The following SLC2A9 variants were observed in gnomAD, a reference collection of about 807,000 sequenced individuals.
The protein encoded by SLC2A9 is solute carrier family 2 member 9.
Under a neutral mutation model 50.6 loss-of-function variants are expected in SLC2A9, and 39 were observed. The ratio of observed to expected loss-of-function variants is 0.77; its 90% CI spans 0.60 to 1.01. The LOEUF (loss-of-function observed/expected upper bound fraction) is 1.01, where lower values mean the gene tolerates loss of function less well. Among genes scored for constraint, SLC2A9 ranks in the 50% least tolerant of loss-of-function variants. The pLI is 0.00. For synonymous variants in SLC2A9, 324 were observed against 276.9 expected, an observed-to-expected ratio of 1.17 and a Z score of -1.69; for missense variants, 686 against 677.6, an observed-to-expected ratio of 1.01 and a Z score of -0.14.
At chr4:9,792,753 A>T (rs1421095311) in intron 3 of SLC2A9, 1 of 152,260 alleles carries the variant, frequency 6.6e-6, no homozygotes, top group African/African-American at 2.4e-5. Flanking sequence ...TTCACAAAGA[A>T]CTATCTCCAC....
intron 7 of SLC2A9, 79 bp downstream of exon 7, chr4:9,920,306 C>T: frequency 1.3e-6 from 2 of 1,515,146 alleles, no homozygotes; most frequent in East Asian, 4.7e-5. Flanking sequence ...ACCTGGGCGT[C>T]TGGGGCCCAA....
intron 10 of SLC2A9, among the ~76,000 whole-genome samples, chr4:9,884,022 C>G (rs1250957343): frequency 6.6e-6 from 1 of 152,220 alleles, no homozygotes; most frequent in Non-Finnish European, 1.5e-5. Context: ...ACCAGAGACA[C>G]TCGGGGTTGG....
At chr4:9,919,110 T>C (rs966765419) in intron 7 of SLC2A9, among the ~76,000 whole-genome samples, 1 of 152,162 alleles carries the variant, frequency 6.6e-6, no homozygotes, top group Non-Finnish European at 1.5e-5. Flanking sequence ...TCTTTAAGGC[T>C]TCAGGTGTTA....
intron 3 of SLC2A9, among the ~76,000 whole-genome samples, chr4:9,803,768 C>T (rs548745364): frequency 3.9e-5 from 6 of 152,280 alleles, no homozygotes; most frequent in African/African-American, 1.4e-4. Context: ...ATTATGGTGT[C>T]CTCAGTGCCT....
chr4:9,921,190 G>C (rs1378945935), intron 6 of SLC2A9, among the ~76,000 whole-genome samples: 1 of 152,112 alleles, frequency 6.6e-6, no homozygotes, highest in East Asian at 1.9e-4. Flanking sequence ...AAGAAAACTT[G>C]AGTGGAAATA....
At chr4:9,872,399 C>T (rs1457868031) in intron 10 of SLC2A9, among the ~76,000 whole-genome samples, 3 of 152,174 alleles carry the variant, frequency 2.0e-5, no homozygotes, top group Non-Finnish European at 2.9e-5. Flanking sequence ...CTGGTAAATG[C>T]ATTTTTGAAT....
chr4:9,993,438 G>A (rs557307132), intron 3 of SLC2A9, among the ~76,000 whole-genome samples: 12 of 152,288 alleles, frequency 7.9e-5, no homozygotes, highest in African/African-American at 1.2e-4. Context: ...AAGGCTGGGC[G>A]AAGAGTCTGG....
At chr4:9,963,658 G>A (rs1353882292) in intron 5 of SLC2A9, among the ~76,000 whole-genome samples, 1 of 152,176 alleles carries the variant, frequency 6.6e-6, no homozygotes, top group Non-Finnish European at 1.5e-5. Flanking sequence ...TGCTCGCTGG[G>A]TTTTGCAGGA....
chr4:9,782,999 G>A, intron 3 of SLC2A9: 1 of 1,614,208 alleles, frequency 6.2e-7, no homozygotes, highest in Non-Finnish European at 8.5e-7. Flanking sequence ...TTTCTGCAGT[G>A]GACACCCCGA....
chr4:9,955,073 C>A (rs1364664020), intron 5 of SLC2A9, among the ~76,000 whole-genome samples: 1 of 152,162 alleles, frequency 6.6e-6, no homozygotes, highest in Admixed American at 6.5e-5. Context: ...ATGTGCACAA[C>A]GTCAGTAAAC....
At chr4:9,785,490 A>T (rs556437192) in intron 3 of SLC2A9, among the ~76,000 whole-genome samples, 1 of 152,344 alleles carries the variant, frequency 6.6e-6, no homozygotes, top group East Asian at 1.9e-4. Context: ...CGACTTGAGA[A>T]ACTCAAATCT....
chr4:9,882,435 G>A (rs192892396), intron 10 of SLC2A9, among the ~76,000 whole-genome samples: 13 of 152,208 alleles, frequency 8.5e-5, no homozygotes, highest in Non-Finnish European at 1.5e-5. Context: ...AAAAATTACT[G>A]GATCATTCTG....
chr4:9,871,375 A>G (rs934015462), intron 10 of SLC2A9, among the ~76,000 whole-genome samples: 17 of 152,214 alleles, frequency 1.1e-4, no homozygotes, highest in Admixed American at 9.8e-4. Context: ...ATTGTTCTAG[A>G]GGCAGAAGTC....
At chr4:9,929,517 C>T (rs765255732) in intron 6 of SLC2A9, among the ~76,000 whole-genome samples, 2 of 152,108 alleles carry the variant, frequency 1.3e-5, no homozygotes, top group African/African-American at 4.8e-5. Context: ...AGCTTCCTGG[C>T]CATGGAGAGG....
chr4:9,912,523 C>T (rs941893165), intron 7 of SLC2A9, among the ~76,000 whole-genome samples: 2 of 152,084 alleles, frequency 1.3e-5, no homozygotes, highest in African/African-American at 2.4e-5. Flanking sequence ...GTTTTAGAGA[C>T]AAAGTGTAAC....
intron 6 of SLC2A9, among the ~76,000 whole-genome samples, chr4:9,940,218 TTC>T (rs758851335): frequency 7.9e-5 from 12 of 152,170 alleles, no homozygotes; most frequent in Non-Finnish European, 1.3e-4. Context: ...ATCCCCTTGG[TTC>T]TCTCTCTTAG....
intron 10 of SLC2A9, among the ~76,000 whole-genome samples, chr4:9,853,071 G>A (rs1473440190): frequency 6.6e-6 from 1 of 151,874 alleles, no homozygotes; most frequent in African/African-American, 2.4e-5. Context: ...AGCTACTCAG[G>A]AGGCTGAGGC....
chr4:9,945,696 T>C (rs561636961), intron 5 of SLC2A9, among the ~76,000 whole-genome samples: 2 of 152,274 alleles, frequency 1.3e-5, no homozygotes, highest in South Asian at 4.1e-4. Flanking sequence ...GAGCTTGGTC[T>C]GAACTTCTAC....
At chr4:9,845,153 A>G (rs1427089150) in intron 10 of SLC2A9, among the ~76,000 whole-genome samples, 1 of 151,572 alleles carries the variant, frequency 6.6e-6, no homozygotes, top group Non-Finnish European at 1.5e-5. Context: ...AGCTGGGACT[A>G]CAGGTGCCCG....
Sources: allele counts gnomAD v4.1 joint callset (sites outside exome capture counted in the v4.1 genomes callset), GRCh38; gene constraint gnomAD v4.1.1; transcripts MANE v1.5; gene names NCBI Gene and HGNC (gene_info 2026-07-23, HGNC 2026-07-21).